Variants in RIMKLA observed in about 807,000 individuals in gnomAD.
RIMKLA encodes N-acetylaspartylglutamate synthase A.
In RIMKLA, 14 loss-of-function variants were observed where a neutral mutation model predicts 32.7. The ratio of observed to expected loss-of-function variants is 0.43; its 90% CI spans 0.28 to 0.67. The LOEUF (loss-of-function observed/expected upper bound fraction) is 0.67. Ranked by LOEUF, RIMKLA falls within the 30% of genes least tolerant of loss-of-function variation. The probability of loss-of-function intolerance (pLI) is 0.18; values close to 1 mark genes in which losing one functional copy is unlikely to be tolerated. For missense variants in RIMKLA, 410 were observed against 519.0 expected (o/e 0.79, Z 2.04); for synonymous variants, 176 against 204.1 (o/e 0.86, Z 1.18).
At chr1:42,412,488 C>T (rs1047468826) in intron 4 of RIMKLA, 2 of 394,536 alleles carry the variant, frequency 5.1e-6, no homozygotes, top group African/African-American at 2.1e-5. Flanking sequence ...CTGAGGTTGT[C>T]AGTACAGTGA....
intron 2 of RIMKLA, 80 bp downstream of exon 2, chr1:42,399,714 C>CT (rs1425426181): frequency 2.3e-6 from 2 of 861,658 alleles, no homozygotes; most frequent in Non-Finnish European, 3.6e-6. Flanking sequence ...ATCTTTGTTG[C>CT]TTTTGAATGT....
At chr1:42,395,666 A>G (rs992700932) in intron 1 of RIMKLA, among the ~76,000 whole-genome samples, 2 of 152,202 alleles carry the variant, frequency 1.3e-5, no homozygotes, top group Non-Finnish European at 2.9e-5. Flanking sequence ...TGGAAATGTT[A>G]ACGATCCTGG....
At position 42,416,516 on chromosome 1, in the gene RIMKLA, C is replaced by CA. The variant is rs772213762; in HGVS notation, c.*1548dup. On this transcript the variant is annotated 3_prime_UTR_variant, in exon 5 of 5. Coordinates refer to ENST00000431473, the MANE Select transcript of RIMKLA (RefSeq NM_173642.4). ...CTGTTAAAAAAAAAAAATCATTCCTCAAAAAATAGATCTACCCTTAAAGGA... is the reference window on the plus strand; with the variant it reads ...CTGTTAAAAAAAAAAAATCATTCCTCAAAAAAATAGATCTACCCTTAAAGGA... The CA allele has an allele frequency of 4.6e-5, 7 of 150,838 alleles. No individual in the cohort carries two copies. Among genetic ancestry groups the CA allele is most frequent in the Non-Finnish European group, 7.4e-5 (5 of 67,782 alleles). The allele number at this position is 150,838 out of a possible 1,614,324, so 9.3% of individuals were successfully genotyped here.
chr1:42,405,782 A>C (rs1643139152), intron 3 of RIMKLA, among the ~76,000 whole-genome samples: 1 of 152,228 alleles, frequency 6.6e-6, no homozygotes, highest in Admixed American at 6.5e-5. Flanking sequence ...TTAAGCCTAC[A>C]GGAGGGAGGG....
intron 1 of RIMKLA, among the ~76,000 whole-genome samples, chr1:42,398,695 G>A (rs558793582): frequency 1.3e-5 from 2 of 152,194 alleles, no homozygotes; most frequent in Admixed American, 6.6e-5. Flanking sequence ...ATAGCTCAGC[G>A]CAATGGCTCA....
intron 2 of RIMKLA, among the ~76,000 whole-genome samples, chr1:42,403,382 G>A (rs372421773): frequency 8.5e-5 from 13 of 152,312 alleles, no homozygotes; most frequent in African/African-American, 3.1e-4. Flanking sequence ...ACACTAGTTT[G>A]GTGCCATTGA....
chr1:42,410,341 C>A (rs964046470), intron 4 of RIMKLA, among the ~76,000 whole-genome samples, 154 bp downstream of exon 4: 2 of 152,160 alleles, frequency 1.3e-5, no homozygotes, highest in African/African-American at 4.8e-5. Flanking sequence ...GCAAGCAATC[C>A]TGGAGGGGAG....
intron 1 of RIMKLA, among the ~76,000 whole-genome samples, chr1:42,385,717 C>CTCTTTCTTTCTT (rs35500484): frequency 0.021 from 2,299 of 109,094 alleles, 59 homozygotes; most frequent in South Asian, 0.054. Flanking sequence ...TTCTTTCCTT[C>CTCTTTCTTTCTT]TCTTTCTTTC....
chr1:42,403,200 G>T (rs1466673461), intron 2 of RIMKLA, among the ~76,000 whole-genome samples: 1 of 60,784 alleles, frequency 1.6e-5, no homozygotes. Context: ...AGTTTCCCCT[G>T]TGCTAGAAAA....
At chr1:42,397,746 A>G (rs1278166014) in intron 1 of RIMKLA, among the ~76,000 whole-genome samples, 1 of 152,140 alleles carries the variant, frequency 6.6e-6, no homozygotes, top group Non-Finnish European at 1.5e-5. Flanking sequence ...AAATAATACA[A>G]TATATTCTTT....
At position 42,410,162 on chromosome 1, in the gene RIMKLA, A is replaced by G; in HGVS notation, c.660A>G (p.Gly220=). The change falls in exon 4 of 5, where the codon GGA becomes GGG. Residue 220 remains glycine (G), a synonymous_variant. Coordinates refer to ENST00000431473, the MANE Select transcript of RIMKLA (RefSeq NM_173642.4). ...CTATGCTTCGCTGCTCCACTGATGGACGGATGCAGAGCAACTGCTCTCTCG... is the reference window on the plus strand; with the variant it reads ...CTATGCTTCGCTGCTCCACTGATGGGCGGATGCAGAGCAACTGCTCTCTCG... ...IGSMLRCSTD[G]RMQSNCSLGG... 1 of 1,614,078 alleles carries G rather than the reference A, an allele frequency of 6.2e-7. No individual in the cohort carries two copies. Among genetic ancestry groups the G allele is most frequent in the Non-Finnish European group, 8.5e-7 (1 of 1,180,006 alleles).
At position 42,385,840 on chromosome 1, in the gene RIMKLA, CTTTCTCTT is replaced by C. The variant is rs1251302925; in HGVS notation, c.163+4745_163+4752del. On this transcript the variant is annotated intron_variant, in intron 1 of 4. Transcript: ENST00000431473. ...CCTTCCTTCCTTCCTTTCTTTCTTT[CTTTCTCTT>C]TCTTTCTTTCTTTCTTTCTTTCTTT... Among the ~76,000 whole-genome samples the C allele has an allele frequency of 4.2e-4, 27 of 64,704 alleles. 4 individuals carry two copies. The highest frequency in any genetic ancestry group is 2.3e-3 in the East Asian group (8 of 3,444). The allele number at this position is 64,704 out of a possible 152,430, so 42.4% of individuals were successfully genotyped here.
intron 1 of RIMKLA, among the ~76,000 whole-genome samples, chr1:42,394,153 C>T (rs1283648261): frequency 6.6e-6 from 1 of 152,260 alleles, no homozygotes; most frequent in Non-Finnish European, 1.5e-5. Context: ...GCCACTGTTA[C>T]ATGATCCTGC....
chr1:42,384,140 A>G (rs1304812621), intron 1 of RIMKLA, among the ~76,000 whole-genome samples: 1 of 152,168 alleles, frequency 6.6e-6, no homozygotes, highest in Non-Finnish European at 1.5e-5. Context: ...GCCCAAATCC[A>G]GGGCTTAGAG....
At chr1:42,399,172 T>A (rs1237625452) in intron 1 of RIMKLA, among the ~76,000 whole-genome samples, 1 of 152,104 alleles carries the variant, frequency 6.6e-6, no homozygotes, top group Non-Finnish European at 1.5e-5. Flanking sequence ...AGATTATTCT[T>A]GATATGCTTT....
intron 1 of RIMKLA, among the ~76,000 whole-genome samples, chr1:42,382,367 C>G (rs1642896863): frequency 6.6e-6 from 1 of 152,188 alleles, no homozygotes; most frequent in Admixed American, 6.5e-5. Flanking sequence ...GATGTGAATT[C>G]CTATTACAGC....
intron 3 of RIMKLA, among the ~76,000 whole-genome samples, chr1:42,404,931 C>T (rs921281040): frequency 1.3e-5 from 2 of 152,224 alleles, no homozygotes; most frequent in South Asian, 2.1e-4. Flanking sequence ...GACCCTGTGC[C>T]GCCTATTAGA....
chr1:42,394,526 G>A (rs1402220379), intron 1 of RIMKLA, among the ~76,000 whole-genome samples: 1 of 152,140 alleles, frequency 6.6e-6, no homozygotes, highest in African/African-American at 2.4e-5. Flanking sequence ...ACGCAATAGA[G>A]GCTCAATAAA....
chr1:42,406,536 A>G (rs1179760272), intron 3 of RIMKLA, among the ~76,000 whole-genome samples: 3 of 152,220 alleles, frequency 2.0e-5, no homozygotes, highest in African/African-American at 2.4e-5. Flanking sequence ...TTCAAGGTTC[A>G]TCTATGTTGT....
Sources: gnomAD v4.1 joint callset for allele counts (sites outside exome capture counted in the v4.1 genomes callset) on GRCh38, gnomAD v4.1.1 for gene constraint, MANE v1.5 for transcripts, NCBI Gene and HGNC (gene_info 2026-07-23, HGNC 2026-07-21) for gene names.